FAT3: variants seen among roughly 807,000 people sequenced by gnomAD.
The protein encoded by FAT3 is FAT atypical cadherin 3, also known as protocadherin Fat 3.
Under a neutral mutation model 310.2 loss-of-function variants are expected in FAT3, and 95 were observed. That is an observed-to-expected ratio of 0.31 (90% CI 0.26 to 0.36). The LOEUF is 0.36. Ranked by LOEUF, FAT3 falls within the 10% of genes least tolerant of loss-of-function variation. The probability of loss-of-function intolerance (pLI) is 1.00; values close to 1 mark genes in which losing one functional copy is unlikely to be tolerated. For missense variants in FAT3, 5,408 were observed against 5,715.6 expected (o/e 0.95, Z 1.74); for synonymous variants, 2,314 against 2,192.9 (o/e 1.06, Z -1.54).
chr11:92,656,490 A>T (rs1942587680), intron 3 of FAT3, among the ~76,000 whole-genome samples: 1 of 152,234 alleles, frequency 6.6e-6, no homozygotes, highest in East Asian at 1.9e-4. Flanking sequence ...TGCTCATTGC[A>T]TGTAGACATC....
intron 9 of FAT3, among the ~76,000 whole-genome samples, chr11:92,793,253 A>G (rs1947082984): frequency 6.6e-6 from 1 of 152,150 alleles, no homozygotes; most frequent in African/African-American, 2.4e-5. Flanking sequence ...TACGTAATAA[A>G]TTTAGTGGCT....
chr11:92,320,320 C>T (rs1329804012), intron 1 of FAT3, among the ~76,000 whole-genome samples: 1 of 151,976 alleles, frequency 6.6e-6, no homozygotes, highest in Non-Finnish European at 1.5e-5. Context: ...AGGAAGGAGC[C>T]CTCCCTGATT....
At chr11:92,812,614 G>GA (rs1341886826) in intron 13 of FAT3, among the ~76,000 whole-genome samples, 5 of 149,814 alleles carry the variant, frequency 3.3e-5, no homozygotes, top group Non-Finnish European at 4.5e-5. Flanking sequence ...AACAAGGAAA[G>GA]AAAAAAAAAC....
At chr11:92,297,019 T>G (rs1000739638) in intron 1 of FAT3, among the ~76,000 whole-genome samples, 2 of 152,136 alleles carry the variant, frequency 1.3e-5, no homozygotes, top group African/African-American at 4.8e-5. Flanking sequence ...AGAGCTTGAC[T>G]TTTAGTTATC....
chr11:92,529,552 G>T lies in FAT3; in HGVS notation c.3607+4604G>T, dbSNP rs930835331. On this transcript the variant is annotated intron_variant, in intron 3 of 27. Transcript: ENST00000525166. ...TTGTTTTTTTTGTTTTGTTTTTTTT[G>T]TTTGTTTGTTTTTTCCAATCTTCCT... 6.0e-5 allele frequency among the ~76,000 whole-genome samples: 9 copies of T among 150,478 alleles called. No individual in the cohort carries two copies. The South Asian group carries it at 6.3e-4, about 11-fold the overall frequency.
chr11:92,370,023 TAA>T (rs1264508137), intron 2 of FAT3, among the ~76,000 whole-genome samples: 6 of 152,174 alleles, frequency 3.9e-5, no homozygotes, highest in African/African-American at 1.4e-4. Flanking sequence ...GGAAGCACAC[TAA>T]AAGGGCTTTT....
intron 2 of FAT3, among the ~76,000 whole-genome samples, chr11:92,462,273 G>A (rs1054667060): frequency 6.6e-6 from 1 of 151,926 alleles, no homozygotes; most frequent in Non-Finnish European, 1.5e-5. Flanking sequence ...ATCATCCAGG[G>A]AGTAAGCATA....
At chr11:92,664,212 C>T (rs1350144613) in intron 3 of FAT3, among the ~76,000 whole-genome samples, 1 of 152,206 alleles carries the variant, frequency 6.6e-6, no homozygotes. Flanking sequence ...AAGTGATTGG[C>T]TTACTACTCT....
At chr11:92,738,978 T>C (rs1945428800) in intron 4 of FAT3, among the ~76,000 whole-genome samples, 1 of 152,140 alleles carries the variant, frequency 6.6e-6, no homozygotes, top group Non-Finnish European at 1.5e-5. Context: ...ACTCAGAACA[T>C]GATGAGTCCC....
At chr11:92,601,437 G>T (rs150255853) in intron 3 of FAT3, among the ~76,000 whole-genome samples, 144 of 152,062 alleles carry the variant, frequency 9.5e-4, no homozygotes, top group African/African-American at 3.3e-3. Context: ...TCTACTAAAA[G>T]TACAAAAATT....
intron 19 of FAT3, among the ~76,000 whole-genome samples, chr11:92,854,604 AT>A (rs1275371454): frequency 6.6e-6 from 1 of 152,214 alleles, no homozygotes; most frequent in Non-Finnish European, 1.5e-5. Flanking sequence ...CAAACGCTAG[AT>A]TTGTTCTGAA....
At chr11:92,643,023 C>T (rs114520251) in intron 3 of FAT3, among the ~76,000 whole-genome samples, 1 of 152,128 alleles carries the variant, frequency 6.6e-6, no homozygotes, top group African/African-American at 2.4e-5. Context: ...TTATTTCAGC[C>T]TCAGGATGCT....
intron 3 of FAT3, among the ~76,000 whole-genome samples, chr11:92,594,295 T>G (rs1939592539): frequency 2.0e-5 from 3 of 152,066 alleles, no homozygotes; most frequent in African/African-American, 7.2e-5. Flanking sequence ...TTACAAAAAT[T>G]ATCTGGACAT....
chr11:92,655,752 A>G (rs557982159), intron 3 of FAT3, among the ~76,000 whole-genome samples: 6 of 152,146 alleles, frequency 3.9e-5, no homozygotes, highest in South Asian at 2.1e-4. Context: ...CAGCTATTCA[A>G]CGTTCCTTTA....
chr11:92,355,444 C>T (rs757726327), intron 2 of FAT3, 40 bp downstream of exon 2: 15 of 1,554,924 alleles, frequency 9.6e-6, no homozygotes, highest in Admixed American at 1.8e-5. Flanking sequence ...TGTTTCACCT[C>T]TTTTAAATGG....
intron 3 of FAT3, among the ~76,000 whole-genome samples, chr11:92,618,206 C>T (rs923296776): frequency 6.6e-6 from 1 of 152,206 alleles, no homozygotes; most frequent in African/African-American, 2.4e-5. Context: ...CCCAGCCTTG[C>T]TGCCTTGCAG....
In FAT3 at chr11:92,878,634, T is replaced by TAAAA. The variant is rs145900689; in HGVS notation, c.12128-2067_12128-2064dup. On this transcript the variant is annotated intron_variant, in intron 22 of 27. Transcript: ENST00000525166. Reference sequence around the variant, plus strand: ...AACACAGGAGCAGGATGTTATGTGTTAAAAAAAAAAAAAAAAAAAAAAAAA... The same window carrying TAAAA: ...AACACAGGAGCAGGATGTTATGTGTTAAAAAAAAAAAAAAAAAAAAAAAAAAAAA... Among the ~76,000 whole-genome samples, 63 of 21,108 alleles carry TAAAA rather than the reference T, an allele frequency of 3.0e-3. 2 individuals are homozygous for TAAAA. Among genetic ancestry groups the TAAAA allele is most frequent in the African/African-American group, 3.7e-3 (26 of 7,020 alleles). 13.8% of individuals were successfully genotyped at this position (21,108 alleles called of 152,430 possible).
intron 2 of FAT3, among the ~76,000 whole-genome samples, chr11:92,451,489 A>G (rs1313067703): frequency 2.0e-5 from 3 of 152,180 alleles, no homozygotes; most frequent in Non-Finnish European, 4.4e-5. Flanking sequence ...TGATATGCGT[A>G]ATTAACAGCA....
intron 13 of FAT3, among the ~76,000 whole-genome samples, chr11:92,823,699 T>G (rs1024198923): frequency 1.3e-5 from 2 of 152,218 alleles, no homozygotes; most frequent in African/African-American, 4.8e-5. Context: ...TTACCTTCTG[T>G]GTTTTTTGAC....
Sources: allele counts gnomAD v4.1 joint callset (sites outside exome capture counted in the v4.1 genomes callset), GRCh38; gene constraint gnomAD v4.1.1; transcripts MANE v1.5; gene names NCBI Gene and HGNC (gene_info 2026-07-23, HGNC 2026-07-21).